The following BMP5 variants were observed in gnomAD, a reference collection of about 807,000 sequenced individuals.
BMP5 encodes bone morphogenetic protein 5.
BMP5 carries 23 observed loss-of-function variants against 46.6 expected under a neutral mutation model. The ratio of observed to expected loss-of-function variants is 0.49; its 90% CI spans 0.35 to 0.70. BMP5 has a LOEUF of 0.70. BMP5 is among the 30% of genes least tolerant of loss of function. The pLI is 0.00. For synonymous variants in BMP5, 204 were observed against 191.9 expected (o/e 1.06, Z -0.52); for missense variants, 545 against 565.6 (o/e 0.96, Z 0.37).
chr6:55,855,399 G>A (rs76332667), intron 1 of BMP5, among the ~76,000 whole-genome samples: 28,613 of 151,708 alleles, frequency 0.19, 3,187 homozygotes, highest in Admixed American at 0.25. Context: ...GAAAAAAAAG[G>A]GGGGGGATTT....
chr6:55,760,869 A>G (rs1330585211), intron 4 of BMP5, among the ~76,000 whole-genome samples: 1 of 151,232 alleles, frequency 6.6e-6, no homozygotes, highest in Non-Finnish European at 1.5e-5. Flanking sequence ...TAATTCATTC[A>G]TACTCTAGGG....
At chr6:55,820,816 G>A (rs1776393400) in intron 1 of BMP5, among the ~76,000 whole-genome samples, 1 of 152,016 alleles carries the variant, frequency 6.6e-6, no homozygotes, top group Non-Finnish European at 1.5e-5. Flanking sequence ...AAAAACCTCT[G>A]TCATTATTCA....
chr6:55,851,520 A>C (rs1420544114), intron 1 of BMP5, among the ~76,000 whole-genome samples: 1 of 152,108 alleles, frequency 6.6e-6, no homozygotes, highest in South Asian at 2.1e-4. Context: ...GCTGGCTTCC[A>C]CCCCAGGGAA....
At chr6:55,812,002 G>A (rs1582085020) in intron 2 of BMP5, among the ~76,000 whole-genome samples, 1 of 152,084 alleles carries the variant, frequency 6.6e-6, no homozygotes, top group Non-Finnish European at 1.5e-5. Flanking sequence ...TCGGCCTTAT[G>A]TCCTCTGTGC....
At position 55,774,029 on chromosome 6, in the gene BMP5, C is replaced by T. The variant is rs773469282; in HGVS notation, c.1027+20G>A. On this transcript the variant is annotated intron_variant, in intron 4 of 6. Transcript: ENST00000370830. The stretch of plus-strand genomic sequence containing the variant: ...CCCCATAACTCTCTGTGCATAACTG[C>T]TGCTCGGGTTTATTCTTACCTCCAA... 3.7e-6 allele frequency: 6 copies of T among 1,610,744 alleles called. No homozygotes were observed. In the South Asian group the frequency reaches 5.5e-5, roughly 15 times the overall value.
chr6:55,808,675 T>C (rs962881539), intron 2 of BMP5, among the ~76,000 whole-genome samples: 2 of 152,160 alleles, frequency 1.3e-5, no homozygotes, highest in Non-Finnish European at 2.9e-5. Context: ...CCAGGTTGGA[T>C]AGCATGCTCA....
chr6:55,802,388 G>A (rs1056474488), intron 2 of BMP5, among the ~76,000 whole-genome samples: 7 of 152,138 alleles, frequency 4.6e-5, no homozygotes, highest in African/African-American at 1.4e-4. Flanking sequence ...CACAATATGA[G>A]TAATGAGGAG....
chr6:55,799,369 A>G (rs574225352), intron 2 of BMP5, among the ~76,000 whole-genome samples: 2 of 152,306 alleles, frequency 1.3e-5, no homozygotes, highest in African/African-American at 2.4e-5. Context: ...TTAATTTTGT[A>G]TTTACAAAAA....
intron 4 of BMP5, among the ~76,000 whole-genome samples, chr6:55,763,603 C>A (rs961901290): frequency 2.6e-5 from 4 of 152,080 alleles, no homozygotes; most frequent in Non-Finnish European, 5.9e-5. Flanking sequence ...GATGGGCAGC[C>A]TTTAGGAGAT....
At chr6:55,844,470 T>A (rs956245015) in intron 1 of BMP5, among the ~76,000 whole-genome samples, 1 of 152,016 alleles carries the variant, frequency 6.6e-6, no homozygotes, top group East Asian at 1.9e-4. Context: ...TGTGAACTTA[T>A]TTTTAATGTT....
chr6:55,755,713 A>C (rs748204049), intron 6 of BMP5, 31 bp from the exon 7 acceptor site: 1 of 1,593,208 alleles, frequency 6.3e-7, no homozygotes. Flanking sequence ...TGTTTTATTA[A>C]GAAATAAAAT....
intron 1 of BMP5, among the ~76,000 whole-genome samples, chr6:55,870,568 C>T (rs1027009904): frequency 6.6e-6 from 1 of 152,064 alleles, no homozygotes; most frequent in Non-Finnish European, 1.5e-5. Context: ...TTATGTTACA[C>T]AAGTGTTAAT....
chr6:55,825,099 A>C (rs924078555), intron 1 of BMP5, among the ~76,000 whole-genome samples: 1 of 151,820 alleles, frequency 6.6e-6, no homozygotes, highest in Non-Finnish European at 1.5e-5. Flanking sequence ...CGCTCTCTAA[A>C]AAAATTAAAA....
In BMP5 at chr6:55,793,703, A is replaced by C. The variant is rs535472138; in HGVS notation, c.832+576T>G. On this transcript the variant is annotated intron_variant, in intron 3 of 6. Transcript: ENST00000370830. ...CTTCTGGAGCAGTAGTCTTTGATCA[A>C]ACATTGCAATATGTAAAGAACTAAC... Among the ~76,000 whole-genome samples, 6 of 152,324 alleles carry C rather than the reference A, an allele frequency of 3.9e-5. No individual in the cohort carries two copies. In the East Asian group the frequency reaches 1.2e-3, roughly 29 times the overall value.
At chr6:55,759,268 T>A (rs1774707501) in intron 5 of BMP5, among the ~76,000 whole-genome samples, 153 bp from the exon 6 acceptor site, 1 of 150,768 alleles carries the variant, frequency 6.6e-6, no homozygotes, top group Non-Finnish European at 1.5e-5. Context: ...TAGGTTTCTA[T>A]TCTTGGTCCA....
intron 4 of BMP5, among the ~76,000 whole-genome samples, chr6:55,771,056 G>GA (rs1430712314): frequency 6.6e-6 from 1 of 151,722 alleles, no homozygotes; most frequent in Non-Finnish European, 1.5e-5. Flanking sequence ...AATGCTGTTG[G>GA]AAAAAATGTC....
At chr6:55,759,167 A>G in intron 5 of BMP5, 52 bp from the exon 6 acceptor site, 1 of 856,596 alleles carries the variant, frequency 1.2e-6, no homozygotes, top group South Asian at 1.6e-5. Flanking sequence ...AAAAAAAAAA[A>G]AAAAAAAAAA....
chr6:55,795,436 T>C (rs946036732), intron 2 of BMP5, among the ~76,000 whole-genome samples: 2 of 152,150 alleles, frequency 1.3e-5, no homozygotes, highest in Non-Finnish European at 2.9e-5. Flanking sequence ...GAGCTATTCA[T>C]TGTTTAATAT....
intron 3 of BMP5, among the ~76,000 whole-genome samples, chr6:55,778,432 G>C (rs1177202847): frequency 1.3e-5 from 2 of 151,924 alleles, no homozygotes; most frequent in African/African-American, 2.4e-5. Context: ...AATTATTTCA[G>C]GTTTGGGTAT....
Sources: allele counts gnomAD v4.1 joint callset (sites outside exome capture counted in the v4.1 genomes callset), GRCh38; gene constraint gnomAD v4.1.1; transcripts MANE v1.5; gene names NCBI Gene and HGNC (gene_info 2026-07-23, HGNC 2026-07-21).